MBIP: variants seen among roughly 807,000 people sequenced by gnomAD.
MBIP encodes the protein MAP3K12-binding inhibitory protein 1.
A neutral mutation model predicts 45.7 loss-of-function variants in MBIP; 32 were observed. The observed-to-expected ratio is 0.70, with a 90% CI of 0.53 to 0.94. The LOEUF is 0.94. MBIP is among the 40% of genes least tolerant of loss of function. The probability of loss-of-function intolerance (pLI) is 0.00; values close to 1 mark genes in which losing one functional copy is unlikely to be tolerated. For synonymous variants in MBIP, 145 were observed against 141.0 expected (o/e 1.03, Z -0.20); for missense variants, 381 against 405.5 (o/e 0.94, Z 0.52).
chr14:36,299,272 A>G, intron 8 of MBIP, 82 bp from the exon 9 acceptor site: 1 of 877,036 alleles, frequency 1.1e-6, no homozygotes, highest in Non-Finnish European at 1.8e-6. Context: ...AACTATAAAT[A>G]TTTAAAATAT....
At position 36,314,734 on chromosome 14, in the gene MBIP, T is replaced by C. The variant is rs1880458868; in HGVS notation, c.431A>G (p.His144Arg). Residue 144 changes from histidine to arginine, a missense_variant, in exon 3 of 9, where the codon CAT becomes CGT. His to Arg is a conservative substitution (Grantham distance 29, BLOSUM62 0). Transcript: ENST00000416007. ...DLRDVKKTQI[H>R]FDPEVVQIKA... ...TATCTGAACTACTTCTGGATCAAAATGGATCTGTGTCTTTTTCACATCTCT... is the reference window on the plus strand; with the variant it reads ...TATCTGAACTACTTCTGGATCAAAACGGATCTGTGTCTTTTTCACATCTCT... 1 of 1,613,604 alleles carries C rather than the reference T, an allele frequency of 6.2e-7. No individual in the cohort carries two copies. The highest frequency in any genetic ancestry group is 1.3e-5 in the African/African-American group (1 of 74,904).
At position 36,314,412 on chromosome 14, in the gene MBIP, T is replaced by G. The variant is rs1429280826; in HGVS notation, c.571+100A>C. On this transcript the variant is annotated intron_variant, in intron 4 of 8. Coordinates refer to ENST00000416007, the MANE Select transcript of MBIP (RefSeq NM_016586.3). Reference sequence around the variant, plus strand: ...ACTAAATCCATGAAATAAATTGAATTGTGTTCTAAAAGCTATTCATTTAAA... The same window carrying G: ...ACTAAATCCATGAAATAAATTGAATGGTGTTCTAAAAGCTATTCATTTAAA... The G allele has an allele frequency of 4.3e-6, 3 of 690,096 alleles. No individual in the cohort carries two copies. In the African/African-American group the frequency reaches 5.5e-5, roughly 13 times the overall value. 42.7% of individuals were successfully genotyped at this position (690,096 alleles called of 1,614,324 possible). A position where few individuals can be genotyped will look rare whatever the true frequency, so the allele number is the denominator to read the frequency against.
chr14:36,316,602 A>T, intron 2 of MBIP, 91 bp downstream of exon 2: 1 of 1,121,722 alleles, frequency 8.9e-7, no homozygotes, highest in Non-Finnish European at 1.3e-6. Context: ...CTATTAATAT[A>T]GTGTTTAGAA....
chr14:36,312,857 C>T lies in MBIP; in HGVS notation c.572-833G>A, dbSNP rs534494358. Among the ~76,000 whole-genome samples the T allele has an allele frequency of 7.9e-5, 12 of 152,098 alleles. No individual in the cohort carries two copies. The South Asian group carries it at 2.3e-3, about 29-fold the overall frequency. On this transcript the variant is annotated intron_variant, in intron 4 of 8. Coordinates refer to ENST00000416007, the MANE Select transcript of MBIP (RefSeq NM_016586.3). ...AAGGCCACACATTGGCAGTAAATCT[C>T]CTGTAAAATTCCCCTGAATATTTTG...
At chr14:36,299,885 G>A in intron 8 of MBIP, among the ~76,000 whole-genome samples, 1 of 151,968 alleles carries the variant, frequency 6.6e-6, no homozygotes, top group East Asian at 1.9e-4. Flanking sequence ...TTAGACACAA[G>A]TATTATGTAG....
intron 2 of MBIP, among the ~76,000 whole-genome samples, chr14:36,315,832 T>A (rs1880534646): frequency 6.6e-6 from 1 of 152,130 alleles, no homozygotes; most frequent in Admixed American, 6.6e-5. Flanking sequence ...CTAACACTAA[T>A]AACGTTCCAA....
Position 36,314,776 on chromosome 14 carries a change from T to C in MBIP, c.389A>G (p.His130Arg). Residue 130 changes from histidine to arginine, a missense_variant, in exon 3 of 9, where the codon CAC (histidine) becomes CGC (arginine). His to Arg is a conservative substitution (Grantham distance 29). Transcript: ENST00000416007. ...CACATCTCTTAAATCACTTTCTTTG[T>C]GCTTTTCTTCCTCTTGTAGGTCGCC... ...SIGDLQEEEK[H>R]KESDLRDVKK... The C allele has an allele frequency of 1.2e-6, 2 of 1,613,738 alleles. No homozygotes were observed. The highest frequency in any genetic ancestry group is 8.5e-7 in the Non-Finnish European group (1 of 1,179,780).
At chr14:36,315,741 A>C (rs1880529219) in intron 2 of MBIP, among the ~76,000 whole-genome samples, 1 of 152,104 alleles carries the variant, frequency 6.6e-6, no homozygotes, top group Non-Finnish European at 1.5e-5. Context: ...TATTACTTTT[A>C]ACATGAAACA....
At chr14:36,320,348 C>T in intron 1 of MBIP, 112 bp downstream of exon 1, 2 of 1,488,708 alleles carry the variant, frequency 1.3e-6, no homozygotes, top group Non-Finnish European at 1.8e-6. Context: ...GCTTCGGGAC[C>T]GCATCCCACA....
chr14:36,317,480 G>A (rs990890861), intron 1 of MBIP, among the ~76,000 whole-genome samples: 4 of 152,112 alleles, frequency 2.6e-5, no homozygotes, highest in African/African-American at 9.7e-5. Context: ...CCACCACAGT[G>A]AAATAAGTTG....
intron 4 of MBIP, among the ~76,000 whole-genome samples, chr14:36,313,030 T>C (rs925969032): frequency 3.3e-5 from 5 of 152,106 alleles, no homozygotes; most frequent in African/African-American, 1.2e-4. Flanking sequence ...TACATTTGTA[T>C]TTTTTTCAGT....
chr14:36,317,273 T>C (rs1423963170), intron 1 of MBIP, among the ~76,000 whole-genome samples: 1 of 152,206 alleles, frequency 6.6e-6, no homozygotes, highest in Non-Finnish European at 1.5e-5. Flanking sequence ...CACAAATACA[T>C]ATCAGAAATA....
In MBIP at chr14:36,299,185, G is replaced by C. The variant is rs753863204; in HGVS notation, c.933C>G (p.Asn311Lys). ...KRRKVQPPQQ[N>K]YSLAELDEKI... ...TCTCATCAAGTTCAGCCAGTGAATA[G>C]TTCTGCTGTAAACAATAACGACACA... Residue 311 changes from asparagine to lysine, a missense_variant, in exon 9 of 9, where the codon AAC (asparagine) becomes AAG (lysine). Transcript: ENST00000416007. The C allele has an allele frequency of 9.3e-6, 15 of 1,609,510 alleles. No individual in the cohort carries two copies. The East Asian group carries it at 1.1e-4, about 12-fold the overall frequency.
intron 1 of MBIP, among the ~76,000 whole-genome samples, chr14:36,320,208 G>C (rs1253314531): frequency 3.3e-5 from 5 of 152,082 alleles, no homozygotes; most frequent in African/African-American, 7.2e-5. Context: ...TCTCGGAGCC[G>C]GGTTTTCACT....
At chr14:36,317,605 C>T (rs1299885810) in intron 1 of MBIP, among the ~76,000 whole-genome samples, 1 of 151,924 alleles carries the variant, frequency 6.6e-6, no homozygotes, top group East Asian at 1.9e-4. Context: ...CAGAAAACTA[C>T]CAAGAACCTG....
At position 36,317,000 on chromosome 14, in the gene MBIP, T is replaced by TA. The variant is rs1260661792; in HGVS notation, c.130-189dup. 2.6e-5 allele frequency among the ~76,000 whole-genome samples: 4 copies of TA among 152,158 alleles called. No homozygotes were observed. In the South Asian group the frequency reaches 6.2e-4, roughly 24 times the overall value. ...AGGCCAAGAAAGCTACAGATTTTCA[T>TA]AAAAAAACAAAAACAAAATGACATG... is the stretch of plus-strand genomic sequence containing the variant. On this transcript the variant is annotated intron_variant, in intron 1 of 8. Coordinates refer to ENST00000416007, the MANE Select transcript of MBIP (RefSeq NM_016586.3).
rs1880589269 is a variant in MBIP at position 36,316,660 on chromosome 14, ATATCGGG to A, written c.249+26_249+32del. On this transcript the variant is annotated intron_variant, in intron 2 of 8. Transcript: ENST00000416007. ...TAACCACAATCAATTTCTATTTTCA[ATATCGGG>A]TTATCATTTCTAACAAGAAATTTAC... 3 of 1,575,686 alleles carry A rather than the reference ATATCGGG, an allele frequency of 1.9e-6. No homozygotes were observed. The East Asian group carries it at 6.8e-5, about 35-fold the overall frequency.
At chr14:36,315,613 C>G (rs1236572625) in intron 2 of MBIP, among the ~76,000 whole-genome samples, 2 of 152,086 alleles carry the variant, frequency 1.3e-5, no homozygotes, top group South Asian at 4.1e-4. Context: ...GGGGGAAAAC[C>G]CCTGTTGTAG....
intron 2 of MBIP, among the ~76,000 whole-genome samples, chr14:36,316,332 T>C (rs568998220): frequency 2.0e-4 from 31 of 152,236 alleles, no homozygotes; most frequent in South Asian, 1.7e-3. Context: ...AAGCACTCCA[T>C]GAGCCTCCAA....
Sources: gnomAD v4.1 joint callset for allele counts (sites outside exome capture counted in the v4.1 genomes callset) on GRCh38, gnomAD v4.1.1 for gene constraint, MANE v1.5 for transcripts, NCBI Gene and HGNC (gene_info 2026-07-23, HGNC 2026-07-21) for gene names.